Variants in IGF2BP1 observed in about 807,000 individuals in gnomAD.
IGF2BP1 encodes insulin like growth factor 2 mRNA binding protein 1.
IGF2BP1 carries 11 observed loss-of-function variants against 74.9 expected under a neutral mutation model. The observed-to-expected ratio is 0.15, with a 90% CI of 0.09 to 0.24. The LOEUF is 0.24. IGF2BP1 is among the 10% of genes least tolerant of loss of function. IGF2BP1 has a pLI of 1.00. For synonymous variants in IGF2BP1, 287 were observed against 281.8 expected, an observed-to-expected ratio of 1.02 and a Z score of -0.18; for missense variants, 440 against 757.4, an observed-to-expected ratio of 0.58 and a Z score of 4.92.
chr17:49,008,154 A>C (rs1220066930), intron 2 of IGF2BP1, among the ~76,000 whole-genome samples: 1 of 151,562 alleles, frequency 6.6e-6, no homozygotes, highest in African/African-American at 2.4e-5. Flanking sequence ...CCTGGGTGAC[A>C]AGAGTGAAAT....
intron 4 of IGF2BP1, among the ~76,000 whole-genome samples, chr17:49,026,734 T>C (rs936343628): frequency 1.8e-5 from 2 of 113,750 alleles, no homozygotes; most frequent in African/African-American, 7.8e-5. Flanking sequence ...CCTTCCTGCC[T>C]TCCTGCCTGC....
chr17:49,014,722 A>C, intron 2 of IGF2BP1: 3 of 970,910 alleles, frequency 3.1e-6, no homozygotes, highest in Middle Eastern at 5.3e-4. Flanking sequence ...GCCGCCACTT[A>C]TGGACACGCA....
intron 2 of IGF2BP1, among the ~76,000 whole-genome samples, chr17:49,016,890 C>T (rs534964299): frequency 6.4e-4 from 95 of 149,418 alleles, no homozygotes; most frequent in African/African-American, 2.2e-3. Context: ...CCTGGGCTTT[C>T]GGCCAGCTCC....
chr17:49,050,922 A>G lies in IGF2BP1; in HGVS notation c.*1478A>G, dbSNP rs2042159995. On this transcript the variant is annotated 3_prime_UTR_variant, in exon 15 of 15. Transcript: ENST00000290341. ...GTAATGCACTTTAGCTACCCTGGAC[A>G]ATGCTATCAAGTGTGCTGGGAAGGG... 6.6e-6 allele frequency: 1 copy of G among 152,590 alleles called. No individual in the cohort carries two copies. The highest frequency in any genetic ancestry group is 1.5e-5 in the Non-Finnish European group (1 of 68,042). 9.5% of individuals were successfully genotyped at this position (152,590 alleles called of 1,614,324 possible).
Position 49,042,318 on chromosome 17 carries a change from G to A in IGF2BP1, c.1018G>A (p.Glu340Lys). The change falls in exon 9 of 15, where the codon GAG becomes AAG. Residue 340 changes from glutamate to lysine, a missense_variant. Glu to Lys is a moderately conservative substitution (Grantham distance 56). Transcript: ENST00000290341. ...GGCCATCGAGAATTGTTGCAGGGCC[G>A]AGCAGGAAATAATGAAGAAAGTTCG... ...KGAIENCCRA[E>K]QEIMKKVREA... The A allele has an allele frequency of 1.2e-6, 2 of 1,614,070 alleles. No homozygotes were observed. The highest frequency in any genetic ancestry group is 1.7e-6 in the Non-Finnish European group (2 of 1,180,000).
chr17:49,027,505 G>C (rs1418234116), intron 4 of IGF2BP1, among the ~76,000 whole-genome samples: 1 of 152,122 alleles, frequency 6.6e-6, no homozygotes, highest in Non-Finnish European at 1.5e-5. Context: ...GGTAAGCAAA[G>C]TCTTTTGAAG....
chr17:49,017,767 C>A (rs2041724577), intron 2 of IGF2BP1: 1 of 152,216 alleles, frequency 6.6e-6, no homozygotes, highest in Non-Finnish European at 1.5e-5. Context: ...TGCCACCACA[C>A]CTGGCTAATG....
intron 7 of IGF2BP1, 128 bp from the exon 8 acceptor site, chr17:49,041,237 ATTTTTAAAGTATG>A: frequency 1.2e-6 from 1 of 860,470 alleles, no homozygotes. Context: ...AATCATACAT[ATTTTTAAAGTATG>A]CAGTTTGATA....
Position 49,043,515 on chromosome 17 carries a change from A to G in IGF2BP1, c.1165A>G (p.Ser389Gly), listed in dbSNP as rs767277963. 1.2e-6 allele frequency: 2 copies of G among 1,614,138 alleles called. No individual in the cohort carries two copies. The highest frequency in any genetic ancestry group is 1.7e-5 in the Admixed American group (1 of 60,020). Residue 389 changes from serine (S) to glycine (G), a missense_variant, in exon 10 of 15, where the codon AGC (serine) becomes GGC (glycine). Physicochemically the swap from Ser to Gly is moderately conservative, Grantham distance 56. Coordinates refer to ENST00000290341, the MANE Select transcript of IGF2BP1 (RefSeq NM_006546.4). ...CAGCGCAGTCCCGCCGCCTCCCAGC[A>G]GCGTTACTGGGGCTGCTCCCTATAG... ...SSSAVPPPPSSVTGAAPYSSF... is the reference protein window; with the variant it reads ...SSSAVPPPPSGVTGAAPYSSF...
At chr17:49,016,216 T>G (rs540852024) in intron 2 of IGF2BP1, among the ~76,000 whole-genome samples, 1 of 152,350 alleles carries the variant, frequency 6.6e-6, no homozygotes, top group East Asian at 1.9e-4. Context: ...AGCCTACTAG[T>G]CCTGCCTCCA....
chr17:48,999,987 A>G (rs892279026), intron 2 of IGF2BP1, among the ~76,000 whole-genome samples: 3 of 144,198 alleles, frequency 2.1e-5, no homozygotes, highest in African/African-American at 7.8e-5. Context: ...AATACCCTCT[A>G]TCCTCTCTCT....
chr17:49,042,252 C>G lies in IGF2BP1; in HGVS notation c.952C>G (p.Leu318Val). The change falls in exon 9 of 15, where the codon CTT becomes GTT. Residue 318 changes from leucine to valine, a missense_variant. Transcript: ENST00000290341. Reference sequence around the variant, plus strand: ...TGCTCTTTCTGCCAGGTTGCAAGACCTTACCCTTTACAACCCTGAGAGGAC... The same window carrying G: ...TGCTCTTTCTGCCAGGTTGCAAGACGTTACCCTTTACAACCCTGAGAGGAC... The part of the protein sequence containing the change: ...TKITISSLQD[L>V]TLYNPERTIT... 2.5e-6 allele frequency: 4 copies of G among 1,614,200 alleles called. No individual in the cohort carries two copies. The highest frequency in any genetic ancestry group is 3.4e-6 in the Non-Finnish European group (4 of 1,180,026).
intron 3 of IGF2BP1, among the ~76,000 whole-genome samples, 187 bp downstream of exon 3, chr17:49,025,853 C>CTTTTTTTTTTTT (rs749731111): frequency 7.1e-6 from 1 of 140,366 alleles, no homozygotes; most frequent in African/African-American, 2.8e-5. Flanking sequence ...TCTTTCTTTT[C>CTTTTTTTTTTTT]TTTCTTTTTT....
At chr17:49,037,101 A>G (rs988698231) in intron 5 of IGF2BP1, 4 of 334,904 alleles carry the variant, frequency 1.2e-5, no homozygotes, top group Non-Finnish European at 2.4e-5. Context: ...TGAATTTTAT[A>G]TAAAAAACAA....
chr17:49,003,611 C>T (rs1032944668), intron 2 of IGF2BP1, among the ~76,000 whole-genome samples: 1 of 151,972 alleles, frequency 6.6e-6, no homozygotes, highest in African/African-American at 2.4e-5. Context: ...AAGTGTGGTT[C>T]GTTCCCTATC....
intron 5 of IGF2BP1, among the ~76,000 whole-genome samples, chr17:49,034,883 T>TAC (rs1226173877): frequency 1.1e-4 from 16 of 152,230 alleles, no homozygotes. Flanking sequence ...CTTAATTTAT[T>TAC]ACATGTTTTC....
At chr17:49,041,561 A>AT (rs1222493838) in intron 8 of IGF2BP1, 61 bp downstream of exon 8, 1 of 1,600,984 alleles carries the variant, frequency 6.2e-7, no homozygotes, top group East Asian at 2.2e-5. Flanking sequence ...CAGGGTCAGT[A>AT]TTTCATCATG....
chr17:48,999,362 A>G (rs552939435), intron 2 of IGF2BP1, among the ~76,000 whole-genome samples, 193 bp downstream of exon 2: 1 of 151,424 alleles, frequency 6.6e-6, no homozygotes, highest in East Asian at 1.9e-4. Flanking sequence ...CTTGTAAAAA[A>G]AAAATAAATA....
chr17:49,004,789 CT>C (rs1426666761), intron 2 of IGF2BP1: 1 of 152,212 alleles, frequency 6.6e-6, no homozygotes, highest in Non-Finnish European at 1.5e-5. Flanking sequence ...CTCTCCTCCC[CT>C]ATACCTTTTT....
Sources: allele counts gnomAD v4.1 joint callset (sites outside exome capture counted in the v4.1 genomes callset), GRCh38; gene constraint gnomAD v4.1.1; transcripts MANE v1.5; gene names NCBI Gene and HGNC (gene_info 2026-07-23, HGNC 2026-07-21).